The following LTBP2 variants were observed in gnomAD, a reference collection of about 807,000 sequenced individuals.
LTBP2 encodes latent transforming growth factor beta binding protein 2.
Under a neutral mutation model 210.6 loss-of-function variants are expected in LTBP2, and 103 were observed. That is an observed-to-expected ratio of 0.49 (90% CI 0.42 to 0.58). The LOEUF (loss-of-function observed/expected upper bound fraction) is 0.58. Among genes scored for constraint, LTBP2 ranks in the 20% least tolerant of loss-of-function variants. The probability of loss-of-function intolerance (pLI) is 0.00; values close to 1 mark genes in which losing one functional copy is unlikely to be tolerated. For synonymous variants in LTBP2, 1,007 were observed against 1,015.0 expected (o/e 0.99, Z 0.15); for missense variants, 2,313 against 2,494.5 (o/e 0.93, Z 1.55).
At chr14:74,600,666 G>A (rs765785718) in intron 2 of LTBP2, among the ~76,000 whole-genome samples, 5 of 152,022 alleles carry the variant, frequency 3.3e-5, no homozygotes, top group African/African-American at 4.8e-5. Flanking sequence ...GAAGCCACCC[G>A]CTGCAGCTTC....
chr14:74,500,996 G>T lies in LTBP2; in HGVS notation c.5354C>A (p.Ala1785Asp). ...VNECDDLNGPAVLCVHGYCEN... is the reference protein window; with the variant it reads ...VNECDDLNGPDVLCVHGYCEN... Reference sequence around the variant, plus strand: ...GCAGTAACCATGGACACAGAGCACAGCAGGCCCGTTCAAGTCATCACACTC... The same window carrying T: ...GCAGTAACCATGGACACAGAGCACATCAGGCCCGTTCAAGTCATCACACTC... The change falls in exon 36 of 36, where the codon GCT (alanine) becomes GAT (aspartate). Residue 1785 changes from alanine (A) to aspartate (D), a missense_variant. Physicochemically the swap from Ala to Asp is moderately radical, Grantham distance 126. Around this residue, in one of 3 missense-constraint regions of LTBP2, gnomAD observed 443 missense variants for 501.4 expected, o/e 0.88. Transcript: ENST00000261978. 6.2e-7 allele frequency: 1 copy of T among 1,614,102 alleles called. No homozygotes were observed. Among genetic ancestry groups the T allele is most frequent in the Non-Finnish European group, 8.5e-7 (1 of 1,179,988 alleles).
intron 2 of LTBP2, among the ~76,000 whole-genome samples, chr14:74,599,737 G>A (rs2088419051): frequency 6.6e-6 from 1 of 152,248 alleles, no homozygotes; most frequent in Non-Finnish European, 1.5e-5. Flanking sequence ...GGGCAGGCCC[G>A]GGAGATGGAC....
At chr14:74,503,010 A>G in intron 33 of LTBP2, 76 bp from the exon 34 acceptor site, 2 of 1,577,484 alleles carry the variant, frequency 1.3e-6, no homozygotes, top group African/African-American at 1.3e-5. Flanking sequence ...TGTCTCTGGG[A>G]GCATGCAAGG....
intron 3 of LTBP2, among the ~76,000 whole-genome samples, chr14:74,556,051 A>G (rs1028668150): frequency 6.6e-6 from 1 of 152,196 alleles, no homozygotes; most frequent in Non-Finnish European, 1.5e-5. Flanking sequence ...AGAACCCACT[A>G]TGGACCAGCC....
At chr14:74,530,228 C>T (rs1285468368) in intron 10 of LTBP2, among the ~76,000 whole-genome samples, 1 of 152,238 alleles carries the variant, frequency 6.6e-6, no homozygotes, top group Non-Finnish European at 1.5e-5. Context: ...GCTTGTGGTC[C>T]ATACCCCTGG....
In LTBP2 at chr14:74,508,627, G is replaced by C. The variant is rs113741133; in HGVS notation, c.3629C>G (p.Ala1210Gly). The C allele has an allele frequency of 6.2e-7, 1 of 1,610,466 alleles. No homozygotes were observed. Among genetic ancestry groups the C allele is most frequent in the East Asian group, 2.2e-5 (1 of 44,880 alleles). ...ACCCTGGCAGCTGGTGCCCCCCTCT[G>C]CGCTGACGAAGCCAGGCGCGCACAG... is the stretch of plus-strand genomic sequence containing the variant. ...FCLCAPGFVS[A>G]EGGTSCQDVD... Residue 1210 changes from alanine (A) to glycine (G), a missense_variant, in exon 24 of 36, where the codon GCA becomes GGA. By Grantham distance (60) the Ala-to-Gly change is moderately conservative. Coordinates refer to ENST00000261978, the MANE Select transcript of LTBP2 (RefSeq NM_000428.3).
chr14:74,539,857 G>C (rs914633976), intron 8 of LTBP2, among the ~76,000 whole-genome samples: 3 of 152,244 alleles, frequency 2.0e-5, no homozygotes, highest in African/African-American at 7.2e-5. Context: ...CGAGGAATGA[G>C]TGAATCTCAG....
chr14:74,508,577 G>A lies in LTBP2; in HGVS notation c.3652+27C>T, dbSNP rs140606336. On this transcript the variant is annotated intron_variant, in intron 24 of 35. Coordinates refer to ENST00000261978, the MANE Select transcript of LTBP2 (RefSeq NM_000428.3). ...TGCTGGCTTCCCATGCTCCTGGCCAGTAGAGGTAGCTGTGCTGGCTTCTCA... is the reference window on the plus strand; with the variant it reads ...TGCTGGCTTCCCATGCTCCTGGCCAATAGAGGTAGCTGTGCTGGCTTCTCA... The A allele has an allele frequency of 1.3e-3, 2,020 of 1,597,264 alleles. 20 individuals carry two copies. The African/African-American group carries it at 0.02, about 16-fold the overall frequency.
chr14:74,552,209 T>A lies in LTBP2; in HGVS notation c.1377A>T (p.Thr459=). 1 of 1,552,026 alleles carries A rather than the reference T, an allele frequency of 6.4e-7. No homozygotes were observed. The highest frequency in any genetic ancestry group is 1.4e-5 in the African/African-American group (1 of 72,476). The part of the protein sequence containing the change: ...LEAPLKQSTF[T]LPLSNQLASV... ...CACCCAGCTGGTTGGAGAGCGGCAGTGTGAAAGTGGACTGCTTCAGTGGGG... is the reference window on the plus strand; with the variant it reads ...CACCCAGCTGGTTGGAGAGCGGCAGAGTGAAAGTGGACTGCTTCAGTGGGG... Residue 459 remains threonine, a synonymous_variant, in exon 6 of 36, where the codon ACA becomes ACT. Coordinates refer to ENST00000261978, the MANE Select transcript of LTBP2 (RefSeq NM_000428.3).
intron 3 of LTBP2, among the ~76,000 whole-genome samples, chr14:74,578,358 C>T (rs1434883632): frequency 1.3e-5 from 2 of 152,196 alleles, no homozygotes. Flanking sequence ...TCCCAACCAT[C>T]GTAGAAGATG....
chr14:74,568,416 G>A (rs568241533), intron 3 of LTBP2, among the ~76,000 whole-genome samples: 2 of 152,094 alleles, frequency 1.3e-5, no homozygotes, highest in African/African-American at 4.8e-5. Context: ...GCTTTCCAGA[G>A]GGTGGGAGAC....
rs1454634133 is a variant in LTBP2, at chr14:74,552,249, C to T, written c.1337G>A (p.Arg446Lys). ...CTTCAGTGGGGCTTCCAGCAAGGCC[C>T]TGGGGCGGGACCCCCTCCCTGGAGG... The part of the protein sequence containing the change: ...REPPGRGSRP[R>K]ALLEAPLKQS... The change falls in exon 6 of 36, where the codon AGG (arginine) becomes AAG (lysine). Residue 446 changes from arginine to lysine, a missense_variant. Transcript: ENST00000261978. 4.3e-6 allele frequency: 7 copies of T among 1,613,072 alleles called. No homozygotes were observed. Among genetic ancestry groups the T allele is most frequent in the Non-Finnish European group, 5.1e-6 (6 of 1,179,858 alleles).
intron 2 of LTBP2, among the ~76,000 whole-genome samples, chr14:74,587,241 C>T (rs1265776442): frequency 6.6e-6 from 1 of 152,138 alleles, no homozygotes; most frequent in Non-Finnish European, 1.5e-5. Context: ...CCATCTGTCG[C>T]TCATTCATTC....
intron 17 of LTBP2, among the ~76,000 whole-genome samples, chr14:74,517,404 A>G (rs1457497782): frequency 6.6e-6 from 1 of 151,178 alleles, no homozygotes; most frequent in African/African-American, 2.4e-5. Context: ...CCCAGGCTGG[A>G]GTGCGATGGC....
At chr14:74,532,964 C>T (rs1043468438) in intron 9 of LTBP2, among the ~76,000 whole-genome samples, 3 of 152,168 alleles carry the variant, frequency 2.0e-5, no homozygotes, top group Non-Finnish European at 4.4e-5. Context: ...CTCAGCCTCC[C>T]GAGTAGCTGG....
rs1210216288 is a variant in LTBP2 at position 74,516,851 on chromosome 14, T to G, written c.2879A>C (p.Tyr960Ser). The change falls in exon 18 of 36, where the codon TAC (tyrosine) becomes TCC (serine). Residue 960 changes from tyrosine to serine, a missense_variant. This residue lies in a region of LTBP2 where 1,867 missense variants were observed against 1,976.9 expected (regional missense o/e 0.94). Transcript: ENST00000261978. The stretch of plus-strand genomic sequence containing the variant: ...GCAGTGTCCTTTCCTGACCATGATG[T>G]AGCCCTGATCACACTCGCAGTGGTA... The part of the protein sequence containing the change: ...GSYHCECDQG[Y>S]IMVRKGHCQD... The G allele has an allele frequency of 6.4e-7, 1 of 1,551,922 alleles. No individual in the cohort carries two copies. Among genetic ancestry groups the G allele is most frequent in the Non-Finnish European group, 8.7e-7 (1 of 1,147,062 alleles).
Position 74,611,738 on chromosome 14 carries a change from G to A in LTBP2, c.207C>T (p.Tyr69=). The A allele has an allele frequency of 6.2e-7, 1 of 1,604,060 alleles. No individual in the cohort carries two copies. The highest frequency in any genetic ancestry group is 2.2e-5 in the East Asian group (1 of 44,800). The part of the protein sequence containing the change: ...SYPAAAAAKV[Y]SLFREQDAPV... The stretch of plus-strand genomic sequence containing the variant: ...GCGCGTCCTGCTCCCGGAACAGACT[G>A]TACACCTTGGCTGCAGCCGCTGCCG... The change falls in exon 1 of 36, where the codon TAC becomes TAT. Residue 69 remains tyrosine, a synonymous_variant. Transcript: ENST00000261978.
intron 3 of LTBP2, among the ~76,000 whole-genome samples, chr14:74,558,690 T>A (rs2139756185): frequency 6.6e-6 from 1 of 152,328 alleles, no homozygotes; most frequent in East Asian, 1.9e-4. Flanking sequence ...GTCATTGTTA[T>A]GTTATTGCTG....
chr14:74,578,636 T>C lies in LTBP2; in HGVS notation c.830+7218A>G, dbSNP rs557473135. ...TCCCCCATAACAGTGCCACACGGCC[T>C]CCTTCCTGCCAGCCAAGCCTGAACC... On this transcript the variant is annotated intron_variant, in intron 3 of 35. Transcript: ENST00000261978. 1.6e-3 allele frequency among the ~76,000 whole-genome samples: 245 copies of C among 152,108 alleles called. 1 individual carries two copies. The highest frequency in any genetic ancestry group is 5.6e-3 in the African/African-American group (232 of 41,478).
Sources: gnomAD v4.1 joint callset for allele counts (sites outside exome capture counted in the v4.1 genomes callset) on GRCh38, gnomAD v4.1.1 for gene constraint, gnomAD v4.1.1 regional missense constraint, MANE v1.5 for transcripts, NCBI Gene and HGNC (gene_info 2026-07-23, HGNC 2026-07-21) for gene names.